UBXN2A: variants seen among roughly 807,000 people sequenced by gnomAD.
The protein encoded by UBXN2A is UBX domain-containing protein 2A.
In UBXN2A, 28 loss-of-function variants were observed where a neutral mutation model predicts 28.4. The observed-to-expected ratio is 0.99, with a 90% confidence interval of 0.73 to 1.35. The LOEUF (loss-of-function observed/expected upper bound fraction) is 1.35, where lower values mean the gene tolerates loss of function less well. Among genes scored for constraint, UBXN2A ranks in the 40% most tolerant of loss-of-function variants. UBXN2A has a pLI of 0.00. For missense variants in UBXN2A, 253 were observed against 297.9 expected (o/e 0.85, Z 1.11); for synonymous variants, 97 against 103.6 (o/e 0.94, Z 0.39).
chr2:23,979,307 T>A (rs917322819), intron 4 of UBXN2A, among the ~76,000 whole-genome samples: 2 of 151,924 alleles, frequency 1.3e-5, no homozygotes, highest in Non-Finnish European at 2.9e-5. Flanking sequence ...ATCATGCTAC[T>A]GCACTCCAGC....
chr2:23,946,211 T>G (rs1706068329), intron 1 of UBXN2A, among the ~76,000 whole-genome samples: 1 of 152,148 alleles, frequency 6.6e-6, no homozygotes, highest in South Asian at 2.1e-4. Context: ...TGGAGTGCAG[T>G]AGTGCAATCT....
At chr2:23,928,405 C>G (rs1003371510) in intron 1 of UBXN2A, among the ~76,000 whole-genome samples, 5 of 151,658 alleles carry the variant, frequency 3.3e-5, no homozygotes, top group African/African-American at 1.2e-4. Flanking sequence ...GTGAAACCCC[C>G]TCTCTACTAA....
At chr2:23,980,005 T>G (rs2150888189) in intron 4 of UBXN2A, among the ~76,000 whole-genome samples, 1 of 152,292 alleles carries the variant, frequency 6.6e-6, no homozygotes, top group Non-Finnish European at 1.5e-5. Flanking sequence ...TATAGTTAAG[T>G]ATTTTTAATA....
chr2:23,946,156 T>C (rs1706065923), intron 1 of UBXN2A, among the ~76,000 whole-genome samples: 1 of 152,028 alleles, frequency 6.6e-6, no homozygotes. Context: ...TGTTTATTTA[T>C]TTATTTATTT....
intron 1 of UBXN2A, among the ~76,000 whole-genome samples, chr2:23,941,756 T>TC (rs1441296672): frequency 6.6e-6 from 1 of 152,200 alleles, no homozygotes; most frequent in African/African-American, 2.4e-5. Flanking sequence ...CTCTACAGTG[T>TC]CATTGGGCAA....
rs983967489 is a variant in UBXN2A at position 24,002,074 on chromosome 2, T to G, written c.*2207T>G. The G allele has an allele frequency of 6.6e-6, 1 of 152,120 alleles. No individual in the cohort carries two copies. The highest frequency in any genetic ancestry group is 2.4e-5 in the African/African-American group (1 of 41,412). 9.4% of individuals were successfully genotyped at this position (152,120 alleles called of 1,614,324 possible). Reference sequence around the variant, plus strand: ...GGTGGATCACTTGAGCCCAGGAGTTTGAGACCAGCCTGGGCAACAAGGCAA... The same window carrying G: ...GGTGGATCACTTGAGCCCAGGAGTTGGAGACCAGCCTGGGCAACAAGGCAA... On this transcript the variant is annotated 3_prime_UTR_variant, in exon 7 of 7. Transcript: ENST00000309033.
intron 1 of UBXN2A, among the ~76,000 whole-genome samples, chr2:23,952,051 C>T (rs900606282): frequency 1.3e-5 from 2 of 148,936 alleles, no homozygotes; most frequent in African/African-American, 2.5e-5. Context: ...ACTGCAACTT[C>T]TGCCTCCTGT....
intron 6 of UBXN2A, among the ~76,000 whole-genome samples, chr2:23,995,804 A>G (rs1241848835): frequency 6.6e-6 from 1 of 152,204 alleles, no homozygotes; most frequent in African/African-American, 2.4e-5. Context: ...TATATTGTCC[A>G]GCTTTTATAG....
At chr2:23,975,982 G>C (rs1046569098) in intron 3 of UBXN2A, among the ~76,000 whole-genome samples, 5 of 152,072 alleles carry the variant, frequency 3.3e-5, no homozygotes, top group Non-Finnish European at 7.4e-5. Flanking sequence ...ACTGACATGA[G>C]CTTTCTGTTT....
At chr2:23,965,444 A>T (rs909978572) in intron 2 of UBXN2A, among the ~76,000 whole-genome samples, 6 of 152,176 alleles carry the variant, frequency 3.9e-5, no homozygotes, top group African/African-American at 1.4e-4. Flanking sequence ...ATATTGTCTA[A>T]TGCTTTTTCT....
intron 1 of UBXN2A, among the ~76,000 whole-genome samples, chr2:23,934,147 C>A (rs1274487586): frequency 6.6e-6 from 1 of 150,836 alleles, no homozygotes; most frequent in East Asian, 2.0e-4. Flanking sequence ...ATGCGGGAGG[C>A]GGAGGTTGCA....
At chr2:23,954,779 A>T (rs1706534991) in intron 1 of UBXN2A, among the ~76,000 whole-genome samples, 1 of 143,782 alleles carries the variant, frequency 7.0e-6, no homozygotes. Context: ...TTTTTAAGAG[A>T]CAGATTCTTG....
At chr2:23,973,640 T>G (rs1294603162) in intron 3 of UBXN2A, among the ~76,000 whole-genome samples, 1 of 103,094 alleles carries the variant, frequency 9.7e-6, no homozygotes, top group Non-Finnish European at 2.4e-5. Context: ...GTGTCCAGCC[T>G]TTTTTTTTTT....
At chr2:23,996,825 T>C (rs1014703828) in intron 6 of UBXN2A, 10 of 151,900 alleles carry the variant, frequency 6.6e-5, no homozygotes, top group Admixed American at 2.6e-4. Flanking sequence ...TTGCCCAGGC[T>C]GGATTGGCAG....
At position 23,981,750 on chromosome 2, in the gene UBXN2A, C is replaced by T. The variant is rs139153785; in HGVS notation, c.288-1146C>T. 4.4e-3 allele frequency among the ~76,000 whole-genome samples: 668 copies of T among 151,622 alleles called. 4 individuals are homozygous for T. Among genetic ancestry groups the T allele is most frequent in the African/African-American group, 0.015 (624 of 41,350 alleles). Reference sequence around the variant, plus strand: ...CTTTACAAAAAATACAAAAATTAGCCGGGCATGGTGGCCTATAGTCCCCGC... The same window carrying T: ...CTTTACAAAAAATACAAAAATTAGCTGGGCATGGTGGCCTATAGTCCCCGC... On this transcript the variant is annotated intron_variant, in intron 4 of 6. Transcript: ENST00000309033.
chr2:23,931,252 G>C (rs1390502203), intron 1 of UBXN2A, among the ~76,000 whole-genome samples: 1 of 152,116 alleles, frequency 6.6e-6, no homozygotes, highest in Admixed American at 6.5e-5. Flanking sequence ...TTCAAGATCA[G>C]CCTGGCCAAC....
chr2:23,940,830 C>T (rs1476512227), intron 1 of UBXN2A, among the ~76,000 whole-genome samples, 182 bp downstream of exon 1: 1 of 151,874 alleles, frequency 6.6e-6, no homozygotes, highest in South Asian at 2.1e-4. Context: ...GGCGGCGGAG[C>T]CCGAGCCAGG....
At chr2:23,963,094 G>A (rs915657884) in intron 2 of UBXN2A, among the ~76,000 whole-genome samples, 1 of 152,236 alleles carries the variant, frequency 6.6e-6, no homozygotes, top group East Asian at 1.9e-4. Flanking sequence ...ATTATCATGA[G>A]AACAGCATGG....
chr2:23,999,118 G>A (rs1708650814), intron 6 of UBXN2A, among the ~76,000 whole-genome samples: 1 of 152,126 alleles, frequency 6.6e-6, no homozygotes, highest in Non-Finnish European at 1.5e-5. Context: ...TCTTTCTTTA[G>A]TGATAGGCAT....
Sources: gnomAD v4.1 joint callset for allele counts (sites outside exome capture counted in the v4.1 genomes callset) on GRCh38, gnomAD v4.1.1 for gene constraint, MANE v1.5 for transcripts, NCBI Gene and HGNC (gene_info 2026-07-23, HGNC 2026-07-21) for gene names.